Variants in PUDP observed in about 807,000 individuals in gnomAD.
PUDP encodes the protein pseudouridine 5'-phosphatase.
In PUDP, 8 loss-of-function variants were observed where a neutral mutation model predicts 9.4. The observed-to-expected ratio is 0.85, with a 90% CI of 0.50 to 1.53. PUDP has a LOEUF of 1.53. PUDP is among the 40% of genes most tolerant of loss of function. The probability of loss-of-function intolerance (pLI) is 0.00; values close to 1 mark genes in which losing one functional copy is unlikely to be tolerated. For synonymous variants in PUDP, 99 were observed against 80.7 expected (o/e 1.23, Z -1.22); for missense variants, 188 against 189.7 (o/e 0.99, Z 0.05).
chrX:7,116,911 C>A, intron 1 of PUDP: 1 of 1,160,013 alleles, frequency 8.6e-7, no homozygotes, highest in Non-Finnish European at 1.1e-6. Flanking sequence ...GTACCTCCCC[C>A]CAACTCTCTC....
At chrX:7,089,413 G>A (rs1435735280) in intron 2 of PUDP, among the ~76,000 whole-genome samples, 2 of 111,102 alleles carry the variant, frequency 1.8e-5, no homozygotes, top group Non-Finnish European at 3.8e-5. Flanking sequence ...CCTGATCACC[G>A]GAGATCTGAA....
rs757872127 is a variant in PUDP at position 7,119,386 on chromosome X, G to C, written c.62-13548C>G. ...CTGTCACTGTTTCACCTTTACAAAT[G>C]AGCCTGCATGTAAATGCTAGTGCTT... On this transcript the variant is annotated intron_variant, in intron 1 of 3. Transcript: ENST00000381077. Among the ~76,000 whole-genome samples the C allele has an allele frequency of 2.7e-5, 3 of 112,635 alleles. No individual in the cohort carries two copies. In the South Asian group the frequency reaches 1.1e-3, roughly 41 times the overall value.
chrX:6,737,313 C>T (rs746751234), intron 3 of PUDP, among the ~76,000 whole-genome samples: 2 of 111,891 alleles, frequency 1.8e-5, no homozygotes, highest in Non-Finnish European at 1.9e-5. Context: ...TAAAGCAGCC[C>T]GAGAAAGCAA....
intron 3 of PUDP, among the ~76,000 whole-genome samples, chrX:6,771,732 C>G (rs1925367376): frequency 8.9e-6 from 1 of 112,629 alleles, no homozygotes; most frequent in African/African-American, 3.2e-5. Flanking sequence ...CAGAATTACT[C>G]AAGGCCAGGG....
At chrX:6,830,570 T>C (rs1380553551) in intron 3 of PUDP, among the ~76,000 whole-genome samples, 2 of 112,142 alleles carry the variant, frequency 1.8e-5, no homozygotes, top group Non-Finnish European at 3.8e-5. Context: ...TAAGGATTCA[T>C]TTTTTATAAC....
chrX:7,004,122 C>T (rs1406929032), intron 1 of PUDP, among the ~76,000 whole-genome samples: 9 of 111,476 alleles, frequency 8.1e-5, no homozygotes, highest in African/African-American at 6.5e-5. Flanking sequence ...GTGATCCACC[C>T]GCCTTGGCTT....
chrX:7,106,599 T>C (rs2146899285), intron 1 of PUDP, among the ~76,000 whole-genome samples: 1 of 112,262 alleles, frequency 8.9e-6, no homozygotes, highest in Non-Finnish European at 1.9e-5. Flanking sequence ...TATGTATATT[T>C]AATATATACA....
intron 3 of PUDP, among the ~76,000 whole-genome samples, chrX:6,829,829 T>C (rs1926478293): frequency 9.1e-6 from 1 of 110,251 alleles, no homozygotes; most frequent in Non-Finnish European, 1.9e-5. Context: ...GGGTAAGAGG[T>C]ACAAGGAGGC....
intron 3 of PUDP, among the ~76,000 whole-genome samples, chrX:6,973,547 ATTTG>A (rs1928909580): frequency 8.9e-6 from 1 of 111,935 alleles, no homozygotes; most frequent in Admixed American, 9.5e-5. Flanking sequence ...CTGAGTTGTA[ATTTG>A]ATTGCACTGT....
chrX:6,833,904 T>C lies in PUDP; in HGVS notation c.*248-127438A>G, dbSNP rs1376926151. On this transcript the variant is annotated intron_variant and NMD_transcript_variant, in intron 3 of 3. Coordinates refer to the PUDP transcript ENST00000655425. ...GGTTTCCTTCCAATTTAAAATTACA[T>C]TACCTCATAAAGACATTCTTTAAAA... is the stretch of plus-strand genomic sequence containing the variant. 3.6e-5 allele frequency among the ~76,000 whole-genome samples: 4 copies of C among 112,431 alleles called. No individual in the cohort carries two copies. In the East Asian group the frequency reaches 1.1e-3, roughly 31 times the overall value.
chrX:7,017,595 C>A, intron 1 of PUDP, among the ~76,000 whole-genome samples: 1 of 112,323 alleles, frequency 8.9e-6, no homozygotes, highest in Middle Eastern at 4.6e-3. Context: ...AAAAACAAGT[C>A]TTTCTTTTCT....
chrX:7,136,706 C>CG (rs1321948712), intron 1 of PUDP, among the ~76,000 whole-genome samples: 6 of 101,709 alleles, frequency 5.9e-5, no homozygotes, highest in African/African-American at 1.8e-4. Flanking sequence ...ACCCCCCCCC[C>CG]CAACCCCGCC....
At chrX:6,768,255 G>A (rs908410393) in intron 3 of PUDP, among the ~76,000 whole-genome samples, 1 of 111,602 alleles carries the variant, frequency 9.0e-6, no homozygotes, top group Admixed American at 9.6e-5. Context: ...TGAGGCCAGG[G>A]ATGCTGCTGA....
intron 1 of PUDP, among the ~76,000 whole-genome samples, chrX:7,020,675 G>A (rs1929620499): frequency 8.9e-6 from 1 of 112,384 alleles, no homozygotes; most frequent in South Asian, 3.7e-4. Context: ...TTGTCACTCG[G>A]GGAAGGCCCC....
At chrX:7,131,074 G>C (rs1373594000) in intron 1 of PUDP, among the ~76,000 whole-genome samples, 3 of 111,272 alleles carry the variant, frequency 2.7e-5, no homozygotes, top group Non-Finnish European at 5.7e-5. Flanking sequence ...GAGGTGCCCA[G>C]TCTTTCAGTT....
intron 3 of PUDP, among the ~76,000 whole-genome samples, chrX:6,953,950 C>T (rs912244512): frequency 4.5e-5 from 5 of 110,828 alleles, no homozygotes; most frequent in African/African-American, 9.9e-5. Context: ...ATGCTTTTCT[C>T]AATGATAGTG....
At chrX:7,095,416 T>C (rs978732209) in intron 2 of PUDP, among the ~76,000 whole-genome samples, 9 of 112,245 alleles carry the variant, frequency 8.0e-5, no homozygotes, top group Admixed American at 4.7e-4. Context: ...AACACGACCA[T>C]AGTGGACACC....
chrX:6,953,524 T>C (rs1928584483), intron 3 of PUDP, among the ~76,000 whole-genome samples: 1 of 110,221 alleles, frequency 9.1e-6, no homozygotes, highest in Non-Finnish European at 1.9e-5. Flanking sequence ...CCTGAGGCCA[T>C]AGGGAAAGAG....
Position 6,846,179 on chromosome X carries a change from C to T in PUDP, c.*247+130954G>A, listed in dbSNP as rs181221874. 6.4e-3 allele frequency among the ~76,000 whole-genome samples: 708 copies of T among 110,201 alleles called. 7 individuals carry two copies. Among genetic ancestry groups the T allele is most frequent in the Non-Finnish European group, 0.011 (579 of 52,713 alleles). ...TCTCTGGGAGGCCGAGGCGGGCGGG[C>T]GGATCACGAGGTCAGGAGATCGAGA... On this transcript the variant is annotated intron_variant and NMD_transcript_variant, in intron 3 of 3. Coordinates refer to the PUDP transcript ENST00000655425.
Sources: gnomAD v4.1 joint callset for allele counts (sites outside exome capture counted in the v4.1 genomes callset) on GRCh38, gnomAD v4.1.1 for gene constraint, MANE v1.5 for transcripts, NCBI Gene and HGNC (gene_info 2026-07-23, HGNC 2026-07-21) for gene names.